FRMD5: variants seen among roughly 807,000 people sequenced by gnomAD.
The protein encoded by FRMD5 is FERM domain-containing protein 5.
In FRMD5, 20 loss-of-function variants were observed where a neutral mutation model predicts 69.0. That is an observed-to-expected ratio of 0.29 (90% CI 0.20 to 0.42). The LOEUF is 0.42. Among genes scored for constraint, FRMD5 ranks in the 10% least tolerant of loss-of-function variants. The pLI, the probability that FRMD5 is intolerant of heterozygous loss-of-function variation, is 1.00. For missense variants in FRMD5, 595 were observed against 708.6 expected, an observed-to-expected ratio of 0.84 and a Z score of 1.82; for synonymous variants, 271 against 260.1, an observed-to-expected ratio of 1.04 and a Z score of -0.40.
chr15:44,094,109 AG>A (rs2076516114), intron 1 of FRMD5, among the ~76,000 whole-genome samples: 1 of 152,178 alleles, frequency 6.6e-6, no homozygotes, highest in African/African-American at 2.4e-5. Context: ...CAGGCCAGTC[AG>A]ATTTCTTCTC....
intron 10 of FRMD5, among the ~76,000 whole-genome samples, chr15:43,886,604 C>T (rs2088669809): frequency 6.6e-6 from 1 of 152,140 alleles, no homozygotes; most frequent in South Asian, 2.1e-4. Flanking sequence ...CAACCAGTAA[C>T]CTATGTGAGT....
chr15:43,961,889 T>C (rs1229926868), intron 1 of FRMD5, among the ~76,000 whole-genome samples: 7 of 152,210 alleles, frequency 4.6e-5, no homozygotes, highest in African/African-American at 7.2e-5. Flanking sequence ...AAATTAGGTA[T>C]TGATGGGATG....
chr15:43,973,455 C>T (rs1316451502), intron 1 of FRMD5, among the ~76,000 whole-genome samples: 8 of 151,948 alleles, frequency 5.3e-5, no homozygotes, highest in Non-Finnish European at 1.5e-5. Flanking sequence ...GGAACCTCCG[C>T]CTCCCAGGTT....
intron 1 of FRMD5, among the ~76,000 whole-genome samples, chr15:44,079,032 T>C (rs960713625): frequency 6.6e-6 from 1 of 151,990 alleles, no homozygotes; most frequent in African/African-American, 2.4e-5. Context: ...TAATAAGCAA[T>C]TGACATTCAG....
chr15:44,157,412 T>A (rs1269559685), intron 1 of FRMD5, among the ~76,000 whole-genome samples: 3 of 152,216 alleles, frequency 2.0e-5, no homozygotes, highest in African/African-American at 7.2e-5. Flanking sequence ...TTGGGTCATG[T>A]GATTATATGA....
chr15:43,931,582 T>C (rs1034620746), intron 1 of FRMD5, among the ~76,000 whole-genome samples: 10 of 151,772 alleles, frequency 6.6e-5, no homozygotes, highest in Non-Finnish European at 1.5e-4. Context: ...TTATTGCTGC[T>C]TTTTTCTTTT....
intron 1 of FRMD5, among the ~76,000 whole-genome samples, chr15:43,978,395 A>G (rs528614814): frequency 2.0e-5 from 3 of 152,238 alleles, no homozygotes; most frequent in Admixed American, 2.0e-4. Flanking sequence ...GTGAGAATGT[A>G]AACATCATAA....
At chr15:43,932,212 T>C (rs923894650) in intron 1 of FRMD5, among the ~76,000 whole-genome samples, 1 of 152,218 alleles carries the variant, frequency 6.6e-6, no homozygotes, top group South Asian at 2.1e-4. Context: ...GCCTCAGCAA[T>C]GAGTCAATGC....
At chr15:43,910,207 C>T (rs932635496) in intron 4 of FRMD5, among the ~76,000 whole-genome samples, 1 of 152,148 alleles carries the variant, frequency 6.6e-6, no homozygotes, top group Non-Finnish European at 1.5e-5. Context: ...CCAGTTTCCT[C>T]CTGTAGCTCA....
rs532623991 is a variant in FRMD5 at position 44,116,385 on chromosome 15, G to A, written c.102+78568C>T. Among the ~76,000 whole-genome samples the A allele has an allele frequency of 2.0e-5, 3 of 151,948 alleles. No individual in the cohort carries two copies. In the South Asian group the frequency reaches 6.2e-4, roughly 32 times the overall value. ...AGTGATCCCCCTACCTCAGCCTCTG[G>A]GGCAGCTGGGACTAAGGACGCCACC... On this transcript the variant is annotated intron_variant, in intron 1 of 13. Coordinates refer to ENST00000417257, the MANE Select transcript of FRMD5 (RefSeq NM_032892.5).
chr15:44,175,371 A>G (rs971616580), intron 1 of FRMD5, among the ~76,000 whole-genome samples: 2 of 152,226 alleles, frequency 1.3e-5, no homozygotes, highest in Non-Finnish European at 2.9e-5. Context: ...TATACTCCAT[A>G]TCATTAGCCA....
chr15:44,019,662 G>C (rs1043791329), intron 1 of FRMD5, among the ~76,000 whole-genome samples: 11 of 149,830 alleles, frequency 7.3e-5, no homozygotes, highest in East Asian at 5.9e-4. Flanking sequence ...GCCTGAACCC[G>C]GGAAGCGGAG....
chr15:44,098,391 G>A (rs956645916), intron 1 of FRMD5, among the ~76,000 whole-genome samples: 1 of 152,038 alleles, frequency 6.6e-6, no homozygotes, highest in African/African-American at 2.4e-5. Context: ...TGGGTGTGGT[G>A]GTGCATGCCT....
intron 1 of FRMD5, among the ~76,000 whole-genome samples, chr15:44,104,513 G>C (rs959896909): frequency 6.6e-6 from 1 of 152,124 alleles, no homozygotes; most frequent in African/African-American, 2.4e-5. Context: ...CTCTATTCAT[G>C]GTAAGTGTCC....
At chr15:44,031,437 T>A (rs1204676270) in intron 1 of FRMD5, among the ~76,000 whole-genome samples, 3 of 152,194 alleles carry the variant, frequency 2.0e-5, no homozygotes, top group Non-Finnish European at 2.9e-5. Flanking sequence ...AATCTAAGAT[T>A]AAGGTGCCAG....
At chr15:44,117,935 T>C (rs1481009221) in intron 1 of FRMD5, among the ~76,000 whole-genome samples, 1 of 151,838 alleles carries the variant, frequency 6.6e-6, no homozygotes, top group Non-Finnish European at 1.5e-5. Context: ...TTTGAGGAAT[T>C]AGAGCAAGGA....
intron 7 of FRMD5, among the ~76,000 whole-genome samples, chr15:43,900,831 A>C (rs566555): frequency 0.25 from 37,902 of 151,896 alleles, 9,372 homozygotes; most frequent in African/African-American, 0.64. Flanking sequence ...GTTGTCCAGG[A>C]TGGTCTTGAA....
intron 3 of FRMD5, 68 bp downstream of exon 3, chr15:43,919,699 A>G (rs2089459127): frequency 4.0e-6 from 6 of 1,515,072 alleles, no homozygotes; most frequent in Non-Finnish European, 5.5e-6. Context: ...AAAACTTGAG[A>G]TAAGTGGGAG....
At chr15:44,127,814 G>A (rs1158645241) in intron 1 of FRMD5, among the ~76,000 whole-genome samples, 1 of 152,122 alleles carries the variant, frequency 6.6e-6, no homozygotes. Context: ...TGAGGCTGCA[G>A]GGAGTTGTGA....
Sources: allele counts gnomAD v4.1 joint callset (sites outside exome capture counted in the v4.1 genomes callset), GRCh38; gene constraint gnomAD v4.1.1; transcripts MANE v1.5; gene names NCBI Gene and HGNC (gene_info 2026-07-23, HGNC 2026-07-21).